PRKD1: variants seen among roughly 807,000 people sequenced by gnomAD.
The protein encoded by PRKD1 is serine/threonine-protein kinase D1.
In PRKD1, 63 loss-of-function variants were observed where a neutral mutation model predicts 95.9. The ratio of observed to expected loss-of-function variants is 0.66; its 90% CI spans 0.54 to 0.81. The LOEUF is 0.81. PRKD1 is among the 30% of genes least tolerant of loss of function. The pLI is 0.00. For missense variants in PRKD1, 1,048 were observed against 1,165.3 expected, an observed-to-expected ratio of 0.90 and a Z score of 1.47; for synonymous variants, 425 against 423.1, an observed-to-expected ratio of 1.00 and a Z score of -0.05.
intron 1 of PRKD1, among the ~76,000 whole-genome samples, chr14:29,883,454 T>C (rs1448362160): frequency 6.6e-6 from 1 of 152,222 alleles, no homozygotes; most frequent in Non-Finnish European, 1.5e-5. Flanking sequence ...TATTGCATTT[T>C]TCTCTATATA....
At chr14:29,656,877 T>C (rs1881879551) in intron 4 of PRKD1, among the ~76,000 whole-genome samples, 1 of 152,158 alleles carries the variant, frequency 6.6e-6, no homozygotes, top group Non-Finnish European at 1.5e-5. Context: ...AAGTGAAAGA[T>C]TAGATTTTCT....
At chr14:29,826,700 C>CACACATATATATAT in intron 1 of PRKD1, among the ~76,000 whole-genome samples, 1 of 28,722 alleles carries the variant, frequency 3.5e-5, no homozygotes, top group East Asian at 9.6e-4. Flanking sequence ...CATATATATA[C>CACACATATATATAT]ATATATACAC....
chr14:29,781,226 C>T (rs1889030259), intron 1 of PRKD1, among the ~76,000 whole-genome samples: 1 of 151,800 alleles, frequency 6.6e-6, no homozygotes, highest in African/African-American at 2.4e-5. Flanking sequence ...CAACATGGCA[C>T]AAGTATACAA....
At chr14:29,729,808 T>G (rs1299892016) in intron 1 of PRKD1, among the ~76,000 whole-genome samples, 1 of 152,060 alleles carries the variant, frequency 6.6e-6, no homozygotes, top group African/African-American at 2.4e-5. Flanking sequence ...TTCAGCAATA[T>G]TTCACAAATT....
chr14:29,833,215 T>C (rs1253268918), intron 1 of PRKD1, among the ~76,000 whole-genome samples: 2 of 152,146 alleles, frequency 1.3e-5, no homozygotes, highest in African/African-American at 4.8e-5. Flanking sequence ...GGTTATTCTT[T>C]GGGAAATCAT....
At chr14:29,898,883 C>G (rs1420339971) in intron 1 of PRKD1, among the ~76,000 whole-genome samples, 1 of 152,166 alleles carries the variant, frequency 6.6e-6, no homozygotes, top group Non-Finnish European at 1.5e-5. Context: ...ATATTAAAGA[C>G]TCCTATCTGG....
intron 2 of PRKD1, among the ~76,000 whole-genome samples, chr14:29,697,845 A>G (rs1217580275): frequency 6.6e-6 from 1 of 152,080 alleles, no homozygotes; most frequent in African/African-American, 2.4e-5. Context: ...TGCTTTTTTG[A>G]TATTATATAA....
intron 1 of PRKD1, among the ~76,000 whole-genome samples, chr14:29,884,313 TGAAAA>T (rs921619127): frequency 5.9e-5 from 9 of 152,130 alleles, no homozygotes; most frequent in African/African-American, 1.2e-4. Context: ...GGCTAAAACA[TGAAAA>T]GAAAAGTTAG....
chr14:29,745,068 C>T (rs1266499582), intron 1 of PRKD1, among the ~76,000 whole-genome samples: 1 of 152,118 alleles, frequency 6.6e-6, no homozygotes, highest in Admixed American at 6.5e-5. Flanking sequence ...CCTCCACCAC[C>T]CCGGGATTGC....
In PRKD1 at chr14:29,885,151, T is replaced by C. The variant is rs953022150; in HGVS notation, c.264+42098A>G. On this transcript the variant is annotated intron_variant, in intron 1 of 17. Coordinates refer to ENST00000331968, the MANE Select transcript of PRKD1 (RefSeq NM_002742.3). ...AAAAAAAAAAAAAAAAAAGAATTAGTAAAGATTCACCAGGGGTTGAGCTCA... is the reference window on the plus strand; with the variant it reads ...AAAAAAAAAAAAAAAAAAGAATTAGCAAAGATTCACCAGGGGTTGAGCTCA... Among the ~76,000 whole-genome samples, 259 of 145,426 alleles carry C rather than the reference T, an allele frequency of 1.8e-3. 2 individuals are homozygous for C. Among genetic ancestry groups the C allele is most frequent in the African/African-American group, 5.8e-3 (229 of 39,500 alleles).
rs201572309 is a variant in PRKD1, at chr14:29,835,674, G to A, written c.264+91575C>T. On this transcript the variant is annotated intron_variant, in intron 1 of 17. Transcript: ENST00000331968. ...CAGCCTCTGCCTCCTGGGTTCAAGCGATTCTCCTGCCTCAGCCTTCTGAGT... is the reference window on the plus strand; with the variant it reads ...CAGCCTCTGCCTCCTGGGTTCAAGCAATTCTCCTGCCTCAGCCTTCTGAGT... Among the ~76,000 whole-genome samples, 37 of 152,206 alleles carry A rather than the reference G, an allele frequency of 2.4e-4. No individual in the cohort carries two copies. The East Asian group carries it at 5.6e-3, about 23-fold the overall frequency.
intron 1 of PRKD1, among the ~76,000 whole-genome samples, chr14:29,881,092 G>A (rs143353929): frequency 1.9e-3 from 295 of 152,268 alleles, no homozygotes; most frequent in African/African-American, 6.7e-3. Context: ...TGAAATGTGA[G>A]GACATGAGAT....
At chr14:29,826,690 C>CAT (rs1185187356) in intron 1 of PRKD1, among the ~76,000 whole-genome samples, 2 of 35,084 alleles carry the variant, frequency 5.7e-5, no homozygotes, top group East Asian at 7.2e-4. Context: ...TATATACACA[C>CAT]ATATATATAC....
At chr14:29,813,781 A>G (rs1367927252) in intron 1 of PRKD1, among the ~76,000 whole-genome samples, 3 of 152,202 alleles carry the variant, frequency 2.0e-5, no homozygotes, top group Non-Finnish European at 4.4e-5. Flanking sequence ...TACACATCCA[A>G]TTACTATATC....
At chr14:29,691,911 A>G (rs1360144841) in intron 2 of PRKD1, among the ~76,000 whole-genome samples, 3 of 152,198 alleles carry the variant, frequency 2.0e-5, no homozygotes, top group African/African-American at 7.2e-5. Context: ...AGCTAAAAAA[A>G]AGGAGGTTTT....
At chr14:29,820,579 A>G (rs1438199537) in intron 1 of PRKD1, among the ~76,000 whole-genome samples, 6 of 152,184 alleles carry the variant, frequency 3.9e-5, no homozygotes, top group African/African-American at 1.4e-4. Context: ...AATGGCAGGA[A>G]GTCAACCAAG....
At chr14:29,841,020 G>A (rs566284905) in intron 1 of PRKD1, among the ~76,000 whole-genome samples, 12 of 152,348 alleles carry the variant, frequency 7.9e-5, no homozygotes, top group South Asian at 6.2e-4. Flanking sequence ...TCATTTTGGA[G>A]CTTTAAGATT....
chr14:29,892,781 A>G lies in PRKD1; in HGVS notation c.264+34468T>C, dbSNP rs139674563. On this transcript the variant is annotated intron_variant, in intron 1 of 17. Transcript: ENST00000331968. ...ATTATTAGAATGAATAAGAATAAAT[A>G]TGAATAGTCACTCATCAAAAGGGAG... Among the ~76,000 whole-genome samples the G allele has an allele frequency of 9.3e-4, 142 of 152,340 alleles. 3 individuals carry two copies. The highest frequency in any genetic ancestry group is 3.3e-3 in the African/African-American group (137 of 41,576).
At chr14:29,578,543 TAAAAAA>T (rs992449669) in intron 16 of PRKD1, among the ~76,000 whole-genome samples, 183 bp from the exon 17 acceptor site, 12 of 42,700 alleles carry the variant, frequency 2.8e-4, no homozygotes, top group African/African-American at 6.8e-4. Context: ...TTTTGGATAC[TAAAAAA>T]AAAAAAAAAA....
Sources: allele counts gnomAD v4.1 joint callset (sites outside exome capture counted in the v4.1 genomes callset), GRCh38; gene constraint gnomAD v4.1.1; transcripts MANE v1.5; gene names NCBI Gene and HGNC (gene_info 2026-07-23, HGNC 2026-07-21).